The following MGMT variants were observed in gnomAD, a reference collection of about 807,000 sequenced individuals.
MGMT encodes the protein methylated-DNA--protein-cysteine methyltransferase.
MGMT carries 14 observed loss-of-function variants against 15.9 expected under a neutral mutation model. The ratio of observed to expected loss-of-function variants is 0.88; its 90% CI spans 0.58 to 1.37. The LOEUF (loss-of-function observed/expected upper bound fraction) is 1.37. Ranked by LOEUF, MGMT falls within the 40% of genes most tolerant of loss-of-function variation. MGMT has a pLI of 0.00. For synonymous variants in MGMT, 130 were observed against 118.2 expected (o/e 1.10, Z -0.65); for missense variants, 282 against 268.1 (o/e 1.05, Z -0.36).
rs1319112823 is a variant in MGMT at position 129,768,699 on chromosome 10, C to T, written c.*1702C>T. The T allele has an allele frequency of 6.6e-6, 1 of 152,292 alleles. No individual in the cohort carries two copies. Among genetic ancestry groups the T allele is most frequent in the Non-Finnish European group, 1.5e-5 (1 of 68,112 alleles). The allele number at this position is 152,292 out of a possible 1,614,324, so 9.4% of individuals were successfully genotyped here. A position where few individuals can be genotyped will look rare whatever the true frequency, so the allele number is the denominator to read the frequency against. On this transcript the variant is annotated 3_prime_UTR_variant, in exon 5 of 5. Coordinates refer to ENST00000651593, the MANE Select transcript of MGMT (RefSeq NM_002412.5). ...CCTGGTGGCCCGGGTGTGCGAGCCG[C>T]GAGTGCTTTCCAACAGAGGGCACCA... is the stretch of plus-strand genomic sequence containing the variant.
chr10:129,690,813 T>A (rs1443686324), intron 2 of MGMT, among the ~76,000 whole-genome samples: 1 of 152,182 alleles, frequency 6.6e-6, no homozygotes, highest in Non-Finnish European at 1.5e-5. Flanking sequence ...GGACAGAGCC[T>A]GAGCCCCAGG....
chr10:129,478,232 G>T (rs1475654030), intron 1 of MGMT, among the ~76,000 whole-genome samples: 1 of 1,662 alleles, frequency 6.0e-4, no homozygotes, highest in Non-Finnish European at 2.3e-3. Context: ...TTGGTTGGTT[G>T]ATTTTTTCCC....
chr10:129,766,760 T>A, intron 4 of MGMT, 28 bp from the exon 5 acceptor site: 2 of 1,594,462 alleles, frequency 1.3e-6, no homozygotes, highest in Non-Finnish European at 1.7e-6. Flanking sequence ...GATCCCTGAC[T>A]GACAGTGGCT....
chr10:129,681,617 C>T (rs936604176), intron 2 of MGMT, among the ~76,000 whole-genome samples: 2 of 152,310 alleles, frequency 1.3e-5, no homozygotes, highest in Admixed American at 1.3e-4. Context: ...GACTTGAACT[C>T]TGTGGGTCCA....
rs541624107 is a variant in MGMT, at chr10:129,765,911, A to G, written c.415-877A>G. Among the ~76,000 whole-genome samples the G allele has an allele frequency of 1.1e-4, 16 of 152,302 alleles. 1 individual carries two copies. In the South Asian group the frequency reaches 2.9e-3, roughly 28 times the overall value. On this transcript the variant is annotated intron_variant, in intron 4 of 4. Coordinates refer to ENST00000651593, the MANE Select transcript of MGMT (RefSeq NM_002412.5). ...CACCACAGGTGGCTCTCAGAGCTTC[A>G]GCCAGACAGTGGACCCATGGAGCTC...
chr10:129,700,392 G>GT (rs150975185), intron 2 of MGMT: 13,629 of 152,292 alleles, frequency 0.089, 919 homozygotes, highest in Admixed American at 0.18. Flanking sequence ...TGCCCAAACA[G>GT]TTGCTGGCCA....
chr10:129,622,550 T>C (rs1457091875), intron 2 of MGMT, among the ~76,000 whole-genome samples: 1 of 152,254 alleles, frequency 6.6e-6, no homozygotes, highest in Non-Finnish European at 1.5e-5. Flanking sequence ...AGCTTTTAAG[T>C]GTACACAGAG....
At chr10:129,716,899 A>C (rs1179997465) in intron 3 of MGMT, among the ~76,000 whole-genome samples, 1 of 152,244 alleles carries the variant, frequency 6.6e-6, no homozygotes, top group African/African-American at 2.4e-5. Context: ...TAAGCTACTT[A>C]GGTTGAATGC....
intron 1 of MGMT, among the ~76,000 whole-genome samples, chr10:129,499,327 T>C (rs1195309813): frequency 3.9e-5 from 6 of 152,274 alleles, no homozygotes; most frequent in African/African-American, 1.2e-4. Context: ...TTTCATTACT[T>C]ATTTCGTTAC....
At chr10:129,671,852 A>G (rs537180232) in intron 2 of MGMT, among the ~76,000 whole-genome samples, 6 of 152,344 alleles carry the variant, frequency 3.9e-5, no homozygotes, top group Admixed American at 2.0e-4. Context: ...TGTGTTCACC[A>G]GTTGCAACCT....
chr10:129,704,707 C>T (rs924332747), intron 2 of MGMT, among the ~76,000 whole-genome samples: 2 of 152,036 alleles, frequency 1.3e-5, no homozygotes, highest in African/African-American at 4.8e-5. Flanking sequence ...GCTTGGAAAC[C>T]TCTGACCACC....
At chr10:129,496,710 T>C (rs533893848) in intron 1 of MGMT, among the ~76,000 whole-genome samples, 10 of 152,078 alleles carry the variant, frequency 6.6e-5, no homozygotes, top group Non-Finnish European at 1.2e-4. Flanking sequence ...GGGAAAAAAA[T>C]ACAGAGAGAA....
intron 1 of MGMT, among the ~76,000 whole-genome samples, chr10:129,529,238 G>T (rs7070075): frequency 6.6e-6 from 1 of 150,960 alleles, no homozygotes; most frequent in Non-Finnish European, 1.5e-5. Context: ...GGAAGTGTGG[G>T]CCTGCCGAAT....
intron 3 of MGMT, among the ~76,000 whole-genome samples, chr10:129,737,949 C>T (rs1428596691): frequency 1.3e-5 from 2 of 152,234 alleles, no homozygotes; most frequent in African/African-American, 4.8e-5. Context: ...AACCACTGCT[C>T]TCTTCAAAGC....
intron 2 of MGMT, among the ~76,000 whole-genome samples, chr10:129,667,625 G>C (rs1564753964): frequency 6.6e-6 from 1 of 152,162 alleles, no homozygotes; most frequent in Non-Finnish European, 1.5e-5. Flanking sequence ...ACGCATTTCT[G>C]CTGGGTATGT....
intron 2 of MGMT, among the ~76,000 whole-genome samples, chr10:129,671,428 ATCT>A (rs536392735): frequency 9.5e-4 from 137 of 144,686 alleles, no homozygotes; most frequent in Non-Finnish European, 1.7e-3. Flanking sequence ...GGGGCTGGAC[ATCT>A]TTTTTTTTTT....
chr10:129,631,675 T>G (rs1047307132), intron 2 of MGMT, among the ~76,000 whole-genome samples: 4 of 151,908 alleles, frequency 2.6e-5, no homozygotes, highest in Non-Finnish European at 5.9e-5. Flanking sequence ...ATACAAAAAA[T>G]TAGCTGGGTG....
chr10:129,664,280 A>G (rs1340314991), intron 2 of MGMT, among the ~76,000 whole-genome samples: 1 of 152,218 alleles, frequency 6.6e-6, no homozygotes, highest in Non-Finnish European at 1.5e-5. Context: ...TTGTAGGGGG[A>G]AAACTACAAA....
chr10:129,757,383 G>A (rs750549040), intron 3 of MGMT, among the ~76,000 whole-genome samples: 28 of 152,176 alleles, frequency 1.8e-4, no homozygotes, highest in African/African-American at 5.6e-4. Flanking sequence ...TCTGTGCTCC[G>A]GTTAGGTTTG....
Sources: gnomAD v4.1 joint callset for allele counts (sites outside exome capture counted in the v4.1 genomes callset) on GRCh38, gnomAD v4.1.1 for gene constraint, MANE v1.5 for transcripts, NCBI Gene and HGNC (gene_info 2026-07-23, HGNC 2026-07-21) for gene names.